Variants in ZBTB44 observed in about 807,000 individuals in gnomAD.
ZBTB44 encodes the protein zinc finger and BTB domain containing 44.
ZBTB44 carries 15 observed loss-of-function variants against 54.0 expected under a neutral mutation model. That is an observed-to-expected ratio of 0.28 (90% CI 0.19 to 0.43). The LOEUF (loss-of-function observed/expected upper bound fraction) is 0.43, where lower values mean the gene tolerates loss of function less well. Among genes scored for constraint, ZBTB44 ranks in the 20% least tolerant of loss-of-function variants. ZBTB44 has a pLI of 1.00. For synonymous variants in ZBTB44, 230 were observed against 250.1 expected (o/e 0.92, Z 0.76); for missense variants, 487 against 707.1 (o/e 0.69, Z 3.53).
intron 1 of ZBTB44, among the ~76,000 whole-genome samples, chr11:130,266,999 C>T (rs551899839): frequency 6.6e-6 from 1 of 152,274 alleles, no homozygotes; most frequent in South Asian, 2.1e-4. Flanking sequence ...GGCGCAATGG[C>T]TCACCCTATA....
At chr11:130,287,681 A>G (rs1414986927) in intron 1 of ZBTB44, among the ~76,000 whole-genome samples, 1 of 152,214 alleles carries the variant, frequency 6.6e-6, no homozygotes, top group Non-Finnish European at 1.5e-5. Flanking sequence ...ATGATAACTG[A>G]TAATAGTAAG....
chr11:130,259,528 C>T (rs1938694730), intron 2 of ZBTB44, among the ~76,000 whole-genome samples: 1 of 152,120 alleles, frequency 6.6e-6, no homozygotes, highest in Non-Finnish European at 1.5e-5. Context: ...GCACTATTCA[C>T]AATAGCAAAG....
intron 2 of ZBTB44, among the ~76,000 whole-genome samples, chr11:130,246,644 A>T (rs1216054852): frequency 6.6e-6 from 1 of 152,250 alleles, no homozygotes; most frequent in Admixed American, 6.5e-5. Flanking sequence ...AAGCAATTAC[A>T]GTGGTCATCT....
intron 2 of ZBTB44, among the ~76,000 whole-genome samples, chr11:130,242,518 AAT>A (rs1954415842): frequency 7.0e-6 from 1 of 143,588 alleles, no homozygotes; most frequent in Non-Finnish European, 1.5e-5. Context: ...GCTGATGATC[AAT>A]TCTTTTTGTT....
intron 1 of ZBTB44, among the ~76,000 whole-genome samples, chr11:130,275,452 T>A (rs1290938409): frequency 6.6e-6 from 1 of 152,170 alleles, no homozygotes; most frequent in Non-Finnish European, 1.5e-5. Context: ...GTGCTGAGAT[T>A]AAAGGAGTGG....
intron 2 of ZBTB44, among the ~76,000 whole-genome samples, chr11:130,243,345 G>T (rs1488491176): frequency 2.6e-5 from 4 of 152,166 alleles, no homozygotes; most frequent in Admixed American, 2.6e-4. Context: ...AGTTGCTGAG[G>T]TCAGGATACA....
chr11:130,261,466 T>C lies in ZBTB44; in HGVS notation c.408A>G (p.Gln136=). ...SSILWNTPNS[Q]PEKGLDAGQE... ...GTCCAGCATCTAGACCCTTTTCAGGTTGGCTGTTGGGTGTATTCCATAAAA... is the reference window on the plus strand; with the variant it reads ...GTCCAGCATCTAGACCCTTTTCAGGCTGGCTGTTGGGTGTATTCCATAAAA... Residue 136 remains glutamine (Q), a synonymous_variant, in exon 2 of 8, where the codon CAA becomes CAG. Transcript: ENST00000357899. This position sits in a 1 kb window ranked among gnomAD's most constrained non-coding sequence, Gnocchi z 4.8. 1 of 1,613,972 alleles carries C rather than the reference T, an allele frequency of 6.2e-7. No homozygotes were observed. The highest frequency in any genetic ancestry group is 1.3e-5 in the African/African-American group (1 of 75,040).
chr11:130,296,984 G>T lies in ZBTB44; in HGVS notation c.-57+17391C>A, dbSNP rs1941692065. 13 of 744,114 alleles carry T rather than the reference G, an allele frequency of 1.7e-5. No homozygotes were observed. In the South Asian group the frequency reaches 1.9e-4, roughly 11 times the overall value. The allele number at this position is 744,114 out of a possible 1,614,324, so 46.1% of individuals were successfully genotyped here. ...GTGGATTTGACTACCAGAAAATCAAGAAAGTTGAGAAGTCCAAAATCTTTA... is the reference window on the plus strand; with the variant it reads ...GTGGATTTGACTACCAGAAAATCAATAAAGTTGAGAAGTCCAAAATCTTTA... On this transcript the variant is annotated intron_variant, in intron 1 of 7. Coordinates refer to ENST00000357899, the MANE Select transcript of ZBTB44 (RefSeq NM_001301098.2).
At chr11:130,247,023 T>C (rs1041800225) in intron 2 of ZBTB44, among the ~76,000 whole-genome samples, 4 of 152,184 alleles carry the variant, frequency 2.6e-5, no homozygotes, top group African/African-American at 9.7e-5. Context: ...ATAACAGAAT[T>C]CTCTCTCCTT....
chr11:130,281,955 A>G (rs1716496953), intron 1 of ZBTB44, among the ~76,000 whole-genome samples: 1 of 151,898 alleles, frequency 6.6e-6, no homozygotes, highest in African/African-American at 2.4e-5. Context: ...AAGTTCTCCA[A>G]TACCCTATTT....
At chr11:130,303,046 C>T (rs1223405056) in intron 1 of ZBTB44, among the ~76,000 whole-genome samples, 1 of 152,102 alleles carries the variant, frequency 6.6e-6, no homozygotes, top group Non-Finnish European at 1.5e-5. Context: ...AAAACTTATT[C>T]TTTATTTTCT....
chr11:130,312,739 T>A (rs1414252048), intron 1 of ZBTB44, among the ~76,000 whole-genome samples: 1 of 152,246 alleles, frequency 6.6e-6, no homozygotes, highest in Admixed American at 6.5e-5. Context: ...TGCATGAATC[T>A]TGACTGACTA....
Position 130,237,106 on chromosome 11 carries a change from CAAAACAAAATATCTA to C in ZBTB44, c.1268-28_1268-14del, listed in dbSNP as rs756753387. On this transcript the variant is annotated splice_polypyrimidine_tract_variant and intron_variant, in intron 4 of 7. Transcript: ENST00000357899. Reference sequence around the variant, plus strand: ...AATGGTTTAATTCCTGTAAATAAAGCAAAACAAAATATCTAAAAACAAAAATAAACTGAAAAGTCA... The same window carrying C: ...AATGGTTTAATTCCTGTAAATAAAGCAAAACAAAAATAAACTGAAAAGTCA... 2 of 1,465,670 alleles carry C rather than the reference CAAAACAAAATATCTA, an allele frequency of 1.4e-6. No individual in the cohort carries two copies. Among genetic ancestry groups the C allele is most frequent in the Non-Finnish European group, 1.8e-6 (2 of 1,103,884 alleles). 90.8% of individuals were successfully genotyped at this position (1,465,670 alleles called of 1,614,324 possible). A position where few individuals can be genotyped will look rare whatever the true frequency, so the allele number is the denominator to read the frequency against.
At chr11:130,296,548 C>T in intron 1 of ZBTB44, 3 of 896,284 alleles carry the variant, frequency 3.3e-6, no homozygotes, top group Middle Eastern at 7.1e-4. Flanking sequence ...TTCACTATGA[C>T]CATCCGGATG....
At chr11:130,297,867 T>A (rs1941745277) in intron 1 of ZBTB44, among the ~76,000 whole-genome samples, 1 of 152,230 alleles carries the variant, frequency 6.6e-6, no homozygotes, top group Non-Finnish European at 1.5e-5. Context: ...ACTAAATGTT[T>A]TGACTAAAAG....
In ZBTB44 at chr11:130,236,709, A is replaced by G. The variant is rs73587072; in HGVS notation, c.1568+84T>C. Reference sequence around the variant, plus strand: ...GACTGACTAGCTGGCAACCTGATGTAAAAACACAGAAGGCTGCCCTAAAAG... The same window carrying G: ...GACTGACTAGCTGGCAACCTGATGTGAAAACACAGAAGGCTGCCCTAAAAG... On this transcript the variant is annotated intron_variant, in intron 5 of 7. Transcript: ENST00000357899. 663 of 1,283,240 alleles carry G rather than the reference A, an allele frequency of 5.2e-4. 5 individuals carry two copies. The African/African-American group carries it at 9.5e-3, about 18-fold the overall frequency. The allele number at this position is 1,283,240 out of a possible 1,614,324, so 79.5% of individuals were successfully genotyped here. A position where few individuals can be genotyped will look rare whatever the true frequency, so the allele number is the denominator to read the frequency against.
chr11:130,227,728 A>C lies in ZBTB44; in HGVS notation c.*4036T>G, dbSNP rs911019467. ...AAAATATTGAGCTACTGTAGCAGCA[A>C]ATATGACATTACAGAAAAACAAAAT... On this transcript the variant is annotated 3_prime_UTR_variant, in exon 8 of 8. Transcript: ENST00000357899. 6.6e-6 allele frequency: 1 copy of C among 152,214 alleles called. No individual in the cohort carries two copies. The highest frequency in any genetic ancestry group is 2.1e-4 in the South Asian group (1 of 4,832). 9.4% of individuals were successfully genotyped at this position (152,214 alleles called of 1,614,324 possible).
chr11:130,256,051 TAAC>T (rs1014873791), intron 2 of ZBTB44, among the ~76,000 whole-genome samples: 3 of 151,998 alleles, frequency 2.0e-5, no homozygotes, highest in African/African-American at 4.8e-5. Context: ...GTACCATTCC[TAAC>T]AACAGAAAAA....
At chr11:130,281,012 C>T (rs1940459407) in intron 1 of ZBTB44, among the ~76,000 whole-genome samples, 1 of 152,122 alleles carries the variant, frequency 6.6e-6, no homozygotes, top group South Asian at 2.1e-4. Context: ...TGGGGAAGTT[C>T]TCTCATTAAC....
Sources: allele counts gnomAD v4.1 joint callset (sites outside exome capture counted in the v4.1 genomes callset), GRCh38; gene constraint gnomAD v4.1.1; non-coding constraint Gnocchi (gnomAD v3.1); transcripts MANE v1.5; gene names NCBI Gene and HGNC (gene_info 2026-07-23, HGNC 2026-07-21).